TRAPPC9: variants seen among roughly 807,000 people sequenced by gnomAD.
TRAPPC9 encodes the protein IKK2 binding protein.
TRAPPC9 carries 83 observed loss-of-function variants against 124.0 expected under a neutral mutation model. The observed-to-expected ratio is 0.67, with a 90% CI of 0.56 to 0.80. The LOEUF is 0.80. Among genes scored for constraint, TRAPPC9 ranks in the 30% least tolerant of loss-of-function variants. TRAPPC9 has a pLI of 0.00. For synonymous variants in TRAPPC9, 638 were observed against 617.5 expected (o/e 1.03, Z -0.49); for missense variants, 1,302 against 1,508.3 (o/e 0.86, Z 2.27).
At chr8:139,946,125 A>G (rs1834198748) in intron 19 of TRAPPC9, among the ~76,000 whole-genome samples, 1 of 152,236 alleles carries the variant, frequency 6.6e-6, no homozygotes, top group African/African-American at 2.4e-5. Flanking sequence ...GAATTTTCCA[A>G]CTGATCTCTC....
intron 5 of TRAPPC9, among the ~76,000 whole-genome samples, chr8:140,413,141 C>A (rs1434279737): frequency 6.6e-6 from 1 of 152,162 alleles, no homozygotes; most frequent in African/African-American, 2.4e-5. Flanking sequence ...GTAATCCCAG[C>A]ACTTTGGGAG....
intron 19 of TRAPPC9, among the ~76,000 whole-genome samples, chr8:139,956,357 T>G (rs1834984478): frequency 6.6e-6 from 1 of 152,086 alleles, no homozygotes; most frequent in Admixed American, 6.6e-5. Context: ...GAGACGGGGT[T>G]TCACTATGTT....
chr8:140,422,692 T>C (rs2070261226), intron 5 of TRAPPC9, among the ~76,000 whole-genome samples: 1 of 143,258 alleles, frequency 7.0e-6, no homozygotes, highest in Non-Finnish European at 1.5e-5. Context: ...TGGCAGGGGT[T>C]GCAGTGAGCC....
At chr8:139,908,728 C>T (rs1831520747) in intron 20 of TRAPPC9, 1 of 152,232 alleles carries the variant, frequency 6.6e-6, no homozygotes, top group Admixed American at 6.5e-5. Flanking sequence ...TGGGTGCACG[C>T]CCGACACAGT....
rs1434853360 is a variant in TRAPPC9 at position 140,435,197 on chromosome 8, A to T, written c.774T>A (p.Tyr258Ter). Residue 258 changes from tyrosine (Y) to a stop codon, truncating the protein, a stop_gained, in exon 4 of 23, where the codon TAT becomes TAA. Coordinates refer to ENST00000438773, the MANE Select transcript of TRAPPC9 (RefSeq NM_001160372.4). LOFTEE classifies it high-confidence loss of function. ...GLCSASVIYH[Y>*]PGGTGGKSGA... ...CACTCTTCCCACCAGTTCCACCAGG[A>T]TAGTGATAGATGACAGAAGCTGAAC... 6.2e-7 allele frequency: 1 copy of T among 1,613,918 alleles called. No homozygotes were observed. Among genetic ancestry groups the T allele is most frequent in the African/African-American group, 1.3e-5 (1 of 74,872 alleles).
intron 6 of TRAPPC9, among the ~76,000 whole-genome samples, chr8:140,401,211 C>T (rs188963481): frequency 6.1e-4 from 93 of 152,294 alleles, no homozygotes; most frequent in African/African-American, 1.6e-3. Flanking sequence ...GAAGCAAAGG[C>T]GCAACTGGTT....
At position 140,231,532 on chromosome 8, in the gene TRAPPC9, G is replaced by A. The variant is rs574280161; in HGVS notation, c.2432-9949C>T. 7.4e-4 allele frequency among the ~76,000 whole-genome samples: 81 copies of A among 108,780 alleles called. No homozygotes were observed. In the South Asian group the frequency reaches 0.022, roughly 29 times the overall value. 71.4% of individuals were successfully genotyped at this position (108,780 alleles called of 152,430 possible). On this transcript the variant is annotated intron_variant, in intron 16 of 22. Transcript: ENST00000438773. ...TTTTGAGATGGAGTCTTGCTCTGTCGCCCAGGCTGGATTACAGTGGTGCAA... is the reference window on the plus strand; with the variant it reads ...TTTTGAGATGGAGTCTTGCTCTGTCACCCAGGCTGGATTACAGTGGTGCAA...
intron 17 of TRAPPC9, among the ~76,000 whole-genome samples, chr8:140,080,586 C>T (rs796426144): frequency 1.3e-5 from 2 of 152,130 alleles, no homozygotes; most frequent in African/African-American, 4.8e-5. Flanking sequence ...TTGACTGATC[C>T]AGCCCCATGA....
At chr8:139,765,392 G>A (rs551447498) in intron 21 of TRAPPC9, among the ~76,000 whole-genome samples, 42 of 152,322 alleles carry the variant, frequency 2.8e-4, no homozygotes, top group African/African-American at 9.1e-4. Flanking sequence ...GTGGGTTTGC[G>A]TTTTCCTAGA....
chr8:140,011,026 A>T (rs539216140), intron 18 of TRAPPC9, among the ~76,000 whole-genome samples: 22 of 152,258 alleles, frequency 1.4e-4, no homozygotes, highest in African/African-American at 5.1e-4. Flanking sequence ...AAAGATTAAA[A>T]TTTTACTTCT....
At chr8:139,852,576 T>C (rs1827551791) in intron 21 of TRAPPC9, among the ~76,000 whole-genome samples, 1 of 152,256 alleles carries the variant, frequency 6.6e-6, no homozygotes, top group Non-Finnish European at 1.5e-5. Flanking sequence ...AGACTGATGA[T>C]TTCTACCTGG....
chr8:140,094,718 T>C (rs12547311), intron 17 of TRAPPC9, among the ~76,000 whole-genome samples: 48,456 of 152,052 alleles, frequency 0.32, 9,656 homozygotes, highest in East Asian at 0.62. Flanking sequence ...GCAAGACATC[T>C]ATGCCGCAAC....
At chr8:139,791,148 C>T (rs1199872658) in intron 21 of TRAPPC9, among the ~76,000 whole-genome samples, 1 of 152,158 alleles carries the variant, frequency 6.6e-6, no homozygotes, top group Non-Finnish European at 1.5e-5. Flanking sequence ...GCACAAGCCA[C>T]GCTGGTGAGA....
chr8:139,985,272 A>C (rs886482368), intron 19 of TRAPPC9, among the ~76,000 whole-genome samples: 2 of 152,206 alleles, frequency 1.3e-5, no homozygotes, highest in Non-Finnish European at 2.9e-5. Flanking sequence ...CAAGCTTAGC[A>C]ATTTATAATT....
Position 140,097,004 on chromosome 8 carries a change from C to T in TRAPPC9, c.2557-72925G>A, listed in dbSNP as rs908744442. 6.6e-6 allele frequency: 1 copy of T among 152,374 alleles called. No homozygotes were observed. The highest frequency in any genetic ancestry group is 2.4e-5 in the African/African-American group (1 of 41,468). The allele number at this position is 152,374 out of a possible 1,614,324, so 9.4% of individuals were successfully genotyped here. ...CCATCCAGCATAGAGATGTGAAAACCTGTCCAGGTCGCTGGTGTATAGCCA... is the reference window on the plus strand; with the variant it reads ...CCATCCAGCATAGAGATGTGAAAACTTGTCCAGGTCGCTGGTGTATAGCCA... On this transcript the variant is annotated intron_variant, in intron 17 of 22. Transcript: ENST00000438773. This position sits in a 1 kb window ranked among gnomAD's most constrained non-coding sequence, Gnocchi z 4.2.
intron 18 of TRAPPC9, among the ~76,000 whole-genome samples, chr8:140,019,865 T>C (rs996209340): frequency 6.6e-6 from 1 of 152,062 alleles, no homozygotes; most frequent in African/African-American, 2.4e-5. Context: ...ATTTTTCTTC[T>C]TTTTAAGAGA....
chr8:140,396,083 C>T (rs1313464298), intron 7 of TRAPPC9, among the ~76,000 whole-genome samples: 6 of 151,778 alleles, frequency 4.0e-5, no homozygotes, highest in Non-Finnish European at 1.5e-5. Context: ...CTCCCTTCCT[C>T]TCCCTCCACT....
intron 15 of TRAPPC9, among the ~76,000 whole-genome samples, 194 bp from the exon 16 acceptor site, chr8:140,253,123 G>C (rs925219920): frequency 3.9e-5 from 6 of 152,110 alleles, no homozygotes; most frequent in African/African-American, 1.4e-4. Flanking sequence ...GTTTATGAAG[G>C]AGGCACAGGG....
rs186040742 is a variant in TRAPPC9 at position 140,268,045 on chromosome 8, G to A, written c.2278+7613C>T. Reference sequence around the variant, plus strand: ...GAGAATCATATGGGAACCCAAAGAAGGGGGTTTTTCATCTCGTGTGGCAAA... The same window carrying A: ...GAGAATCATATGGGAACCCAAAGAAAGGGGTTTTTCATCTCGTGTGGCAAA... On this transcript the variant is annotated intron_variant, in intron 15 of 22. Coordinates refer to ENST00000438773, the MANE Select transcript of TRAPPC9 (RefSeq NM_001160372.4). Among the ~76,000 whole-genome samples the A allele has an allele frequency of 5.8e-3, 876 of 152,160 alleles. 4 individuals are homozygous for A. Among genetic ancestry groups the A allele is most frequent in the Non-Finnish European group, 9.0e-3 (614 of 68,010 alleles).
Sources: allele counts gnomAD v4.1 joint callset (sites outside exome capture counted in the v4.1 genomes callset), GRCh38; gene constraint gnomAD v4.1.1; non-coding constraint Gnocchi (gnomAD v3.1); transcripts MANE v1.5; gene names NCBI Gene and HGNC (gene_info 2026-07-23, HGNC 2026-07-21).